MAPK10: variants seen among roughly 807,000 people sequenced by gnomAD.
MAPK10 encodes the protein mitogen-activated protein kinase 10, also known as JNK3 alpha protein kinase.
Under a neutral mutation model 59.3 loss-of-function variants are expected in MAPK10, and 25 were observed. The ratio of observed to expected loss-of-function variants is 0.42; its 90% CI spans 0.31 to 0.59. The LOEUF (loss-of-function observed/expected upper bound fraction) is 0.59, where lower values mean the gene tolerates loss of function less well. MAPK10 is among the 20% of genes least tolerant of loss of function. MAPK10 has a pLI of 0.15. For missense variants in MAPK10, 351 were observed against 568.9 expected, an observed-to-expected ratio of 0.62 and a Z score of 3.90; for synonymous variants, 190 against 200.5, an observed-to-expected ratio of 0.95 and a Z score of 0.44.
At chr4:86,452,227 G>A (rs907004501) in intron 1 of MAPK10, among the ~76,000 whole-genome samples, 1 of 152,168 alleles carries the variant, frequency 6.6e-6, no homozygotes, top group African/African-American at 2.4e-5. Flanking sequence ...ACAGAGAACA[G>A]GCTAGAGCCA....
intron 1 of MAPK10, among the ~76,000 whole-genome samples, chr4:86,555,585 C>T (rs1341342356): frequency 6.6e-6 from 1 of 152,140 alleles, no homozygotes; most frequent in Non-Finnish European, 1.5e-5. Flanking sequence ...ATGCTTTAGC[C>T]TGAAATAAAT....
At chr4:86,347,711 T>G (rs1422745944) in intron 2 of MAPK10, among the ~76,000 whole-genome samples, 1 of 152,142 alleles carries the variant, frequency 6.6e-6, no homozygotes, top group Non-Finnish European at 1.5e-5. Flanking sequence ...GACAGTGCAT[T>G]CTTGCTGTAT....
upstream of MAPK10, among the ~76,000 whole-genome samples, chr4:86,455,385 T>C (rs1406383740): frequency 1.3e-5 from 2 of 151,984 alleles, no homozygotes; most frequent in Non-Finnish European, 2.9e-5. Context: ...GAGACACACC[T>C]TCAAGAGACA....
In MAPK10 at chr4:86,498,736, C is replaced by T. The variant is rs183882625; in HGVS notation, c.-263+95174G>A. Among the ~76,000 whole-genome samples, 26 of 152,274 alleles carry T rather than the reference C, an allele frequency of 1.7e-4. 1 individual carries two copies. The highest frequency in any genetic ancestry group is 8.3e-4 in the South Asian group (4 of 4,828). On this transcript the variant is annotated intron_variant, in intron 1 of 4. Transcript: ENST00000502302. ...GTAGGGTACACCACTCTGTTGCTGC[C>T]TAAGCGTATTTAAGCTAGCTACCAC...
chr4:86,226,267 C>T (rs564227244), intron 2 of MAPK10, among the ~76,000 whole-genome samples: 3 of 152,292 alleles, frequency 2.0e-5, no homozygotes, highest in Admixed American at 6.5e-5. Context: ...TCTGAACTGT[C>T]ACTTGGGTAT....
At chr4:86,572,899 G>A (rs1019669967) in intron 1 of MAPK10, among the ~76,000 whole-genome samples, 6 of 151,854 alleles carry the variant, frequency 4.0e-5, no homozygotes, top group African/African-American at 1.5e-4. Flanking sequence ...TAATAATTTC[G>A]GTGAATATCA....
intron 9 of MAPK10, chr4:86,079,586 G>A (rs1056194276): frequency 3.9e-5 from 6 of 152,108 alleles, no homozygotes; most frequent in Admixed American, 1.3e-4. Flanking sequence ...AAGAGGCCTT[G>A]GAGATCATGT....
At chr4:86,112,071 A>T (rs2057568203) in intron 4 of MAPK10, among the ~76,000 whole-genome samples, 1 of 148,322 alleles carries the variant, frequency 6.7e-6, no homozygotes, top group Admixed American at 6.7e-5. Context: ...CCCCTTTATC[A>T]TTTTTTATTG....
At chr4:86,347,441 T>C (rs1028349489) in intron 2 of MAPK10, among the ~76,000 whole-genome samples, 1 of 152,122 alleles carries the variant, frequency 6.6e-6, no homozygotes, top group African/African-American at 2.4e-5. Context: ...TGGCATCAAA[T>C]TACTTGGGAA....
intron 2 of MAPK10, among the ~76,000 whole-genome samples, chr4:86,223,991 C>T (rs1468366899): frequency 6.6e-6 from 1 of 152,126 alleles, no homozygotes; most frequent in Non-Finnish European, 1.5e-5. Flanking sequence ...GAGAGATGTC[C>T]ATCCTTCCTC....
intron 2 of MAPK10, among the ~76,000 whole-genome samples, chr4:86,238,714 T>C (rs1371160434): frequency 6.6e-6 from 1 of 152,220 alleles, no homozygotes; most frequent in African/African-American, 2.4e-5. Flanking sequence ...GAGACTTTGA[T>C]GAAATTGAGT....
chr4:86,103,085 G>A (rs1051913080), intron 6 of MAPK10, 101 bp downstream of exon 6: 31 of 711,616 alleles, frequency 4.4e-5, no homozygotes, highest in African/African-American at 7.0e-5. Flanking sequence ...CTGTGTGTGT[G>A]TGTGTGTGTG....
chr4:86,068,777 C>T (rs2047201302), intron 9 of MAPK10, among the ~76,000 whole-genome samples: 1 of 152,096 alleles, frequency 6.6e-6, no homozygotes, highest in Non-Finnish European at 1.5e-5. Context: ...GCTCTTTTTG[C>T]AGACATACTC....
Position 86,423,770 on chromosome 4 carries a change from C to CATATATAT in MAPK10, c.-122+29252_-122+29259dup, listed in dbSNP as rs539111577. On this transcript the variant is annotated intron_variant, in intron 1 of 13. Coordinates refer to the MAPK10 transcript ENST00000361569. ...ATAAGTAATTAGTGGGATATATATA[C>CATATATAT]ATATATATATATATATATATATATA... Among the ~76,000 whole-genome samples, 463 of 91,572 alleles carry CATATATAT rather than the reference C, an allele frequency of 5.1e-3. 5 individuals carry two copies. The highest frequency in any genetic ancestry group is 0.017 in the Middle Eastern group (3 of 172). The allele number at this position is 91,572 out of a possible 152,430, so 60.1% of individuals were successfully genotyped here.
At chr4:86,020,705 G>C (rs988799434) in intron 13 of MAPK10, 20 of 153,438 alleles carry the variant, frequency 1.3e-4, no homozygotes, top group African/African-American at 4.6e-4. Context: ...AGACCTTCAC[G>C]GTGAGTGTTA....
intron 2 of MAPK10, chr4:86,327,396 A>T (rs1003375289): frequency 4.6e-5 from 7 of 151,992 alleles, no homozygotes; most frequent in South Asian, 4.1e-4. Context: ...CCCCCAAAAA[A>T]TTATCTCACT....
rs2047076724 is a variant in MAPK10, at chr4:86,068,045, G to C, written c.803-90C>G. ...CTAACTCTTCTCAAAGTCCTCAACA[G>C]TCATTAATGCAACTGTAGTTTTAAT... On this transcript the variant is annotated intron_variant, in intron 9 of 13. Transcript: ENST00000641462. The C allele has an allele frequency of 5.6e-6, 4 of 709,586 alleles. No individual in the cohort carries two copies. The Admixed American group carries it at 1.2e-4, about 21-fold the overall frequency. The allele number at this position is 709,586 out of a possible 1,614,324, so 44.0% of individuals were successfully genotyped here.
At chr4:86,124,979 GA>G (rs950017863) in intron 4 of MAPK10, 4 of 151,846 alleles carry the variant, frequency 2.6e-5, no homozygotes, top group Admixed American at 6.6e-5. Flanking sequence ...TGAAGGGGGG[GA>G]AAGCTCAGTG....
intron 5 of MAPK10, among the ~76,000 whole-genome samples, chr4:86,104,064 G>GAT (rs1383608088): frequency 1.3e-4 from 20 of 152,116 alleles, no homozygotes; most frequent in African/African-American, 4.8e-4. Context: ...ATAAAAATTA[G>GAT]ATAAGTACAA....
Sources: gnomAD v4.1 joint callset for allele counts (sites outside exome capture counted in the v4.1 genomes callset) on GRCh38, gnomAD v4.1.1 for gene constraint, MANE v1.5 for transcripts, NCBI Gene and HGNC (gene_info 2026-07-23, HGNC 2026-07-21) for gene names.